MTHFD1L: variants seen among roughly 807,000 people sequenced by gnomAD.
MTHFD1L encodes methylenetetrahydrofolate dehydrogenase (NADP+ dependent) 1 like, also known as monofunctional C1-tetrahydrofolate synthase, mitochondrial.
In MTHFD1L, 81 loss-of-function variants were observed where a neutral mutation model predicts 119.5. The ratio of observed to expected loss-of-function variants is 0.68; its 90% confidence interval spans 0.57 to 0.82. The LOEUF (loss-of-function observed/expected upper bound fraction) is 0.82. Among genes scored for constraint, MTHFD1L ranks in the 40% least tolerant of loss-of-function variants. The probability of loss-of-function intolerance (pLI) is 0.00; values close to 1 mark genes in which losing one functional copy is unlikely to be tolerated. For synonymous variants in MTHFD1L, 430 were observed against 475.2 expected (o/e 0.90, Z 1.24); for missense variants, 1,125 against 1,253.4 (o/e 0.90, Z 1.55).
chr6:151,064,482 G>A (rs1346400788), intron 26 of MTHFD1L, among the ~76,000 whole-genome samples: 1 of 151,924 alleles, frequency 6.6e-6, no homozygotes, highest in Non-Finnish European at 1.5e-5. Context: ...TCCGGCTAAT[G>A]TTTTGTATTT....
chr6:151,100,082 G>T (rs1381189834), intron 27 of MTHFD1L: 1 of 565,756 alleles, frequency 1.8e-6, no homozygotes, highest in Non-Finnish European at 3.1e-6. Flanking sequence ...CACCCAGGCT[G>T]AAGTGCAGTG....
intron 18 of MTHFD1L, among the ~76,000 whole-genome samples, chr6:150,963,146 C>A (rs1422809666): frequency 1.3e-5 from 2 of 152,012 alleles, no homozygotes; most frequent in East Asian, 1.9e-4. Flanking sequence ...GAACTCCTGA[C>A]CCCAGGTGAT....
At position 150,882,841 on chromosome 6, in the gene MTHFD1L, G is replaced by A. The variant is rs1445063804; in HGVS notation, c.497G>A (p.Ser166Asn). Residue 166 changes from serine to asparagine, a missense_variant, in exon 5 of 28, where the codon AGC (serine) becomes AAC (asparagine). Physicochemically the swap from Ser to Asn is conservative, Grantham distance 46 (BLOSUM62 1). Around this residue, in one of 3 missense-constraint regions of MTHFD1L, gnomAD observed 1,058 missense variants for 1,151.2 expected, o/e 0.92. Coordinates refer to ENST00000367321, the MANE Select transcript of MTHFD1L (RefSeq NM_015440.5). ...CTTCAGATCTCTGAGAACTTGTTTAGCAACAAAGTCCTCAATGCCTTGAAA... is the reference window on the plus strand; with the variant it reads ...CTTCAGATCTCTGAGAACTTGTTTAACAACAAAGTCCTCAATGCCTTGAAA... ...LALQISENLFSNKVLNALKPE... is the reference protein window; with the variant it reads ...LALQISENLFNNKVLNALKPE... 4 of 1,579,532 alleles carry A rather than the reference G, an allele frequency of 2.5e-6. No homozygotes were observed. Among genetic ancestry groups the A allele is most frequent in the Non-Finnish European group, 3.4e-6 (4 of 1,169,560 alleles).
intron 27 of MTHFD1L, among the ~76,000 whole-genome samples, chr6:151,093,109 T>G (rs750977595): frequency 6.3e-4 from 96 of 152,234 alleles, no homozygotes; most frequent in Non-Finnish European, 1.1e-3. Flanking sequence ...AGGCTAGAAG[T>G]CCAAAGTCAA....
At chr6:150,983,996 TC>T (rs1777907606) in intron 20 of MTHFD1L, among the ~76,000 whole-genome samples, 1 of 152,062 alleles carries the variant, frequency 6.6e-6, no homozygotes, top group South Asian at 2.1e-4. Flanking sequence ...GGTCTTAAAC[TC>T]CTGAGCTCAA....
At chr6:150,979,400 T>A (rs899579242) in intron 20 of MTHFD1L, among the ~76,000 whole-genome samples, 1 of 152,228 alleles carries the variant, frequency 6.6e-6, no homozygotes, top group African/African-American at 2.4e-5. Context: ...TTAACATTTC[T>A]TCCTCCCAAG....
intron 26 of MTHFD1L, among the ~76,000 whole-genome samples, chr6:151,071,827 G>A (rs4869981): frequency 0.75 from 109,608 of 146,396 alleles, 42,498 homozygotes; most frequent in East Asian, 0.91. Flanking sequence ...AAGCAACATT[G>A]TAAGTACAGA....
intron 26 of MTHFD1L, among the ~76,000 whole-genome samples, chr6:151,092,120 GC>G (rs1353655791): frequency 2.6e-5 from 4 of 152,184 alleles, no homozygotes; most frequent in African/African-American, 7.2e-5. Context: ...CACACCTGCT[GC>G]CCCCTTCAAC....
intron 27 of MTHFD1L, among the ~76,000 whole-genome samples, chr6:151,094,764 G>A (rs565668394): frequency 5.3e-5 from 8 of 150,768 alleles, no homozygotes; most frequent in East Asian, 3.9e-4. Context: ...GGCTGGTCTC[G>A]AACTCCTGAC....
At position 150,918,842 on chromosome 6, in the gene MTHFD1L, T is replaced by A. The variant is rs116760770; in HGVS notation, c.984+174T>A. 1.6e-3 allele frequency among the ~76,000 whole-genome samples: 244 copies of A among 152,320 alleles called. 1 individual carries two copies. Among genetic ancestry groups the A allele is most frequent in the African/African-American group, 5.5e-3 (230 of 41,580 alleles). On this transcript the variant is annotated intron_variant, in intron 9 of 27. Transcript: ENST00000367321. ...ATTTTGAAAAATGAAGTGAGTTGCCTATGATCACATGGCAGTGTGGGGCAG... is the reference window on the plus strand; with the variant it reads ...ATTTTGAAAAATGAAGTGAGTTGCCAATGATCACATGGCAGTGTGGGGCAG...
intron 7 of MTHFD1L, among the ~76,000 whole-genome samples, chr6:150,893,314 A>G (rs1469004661): frequency 1.3e-5 from 2 of 152,090 alleles, no homozygotes; most frequent in East Asian, 1.9e-4. Flanking sequence ...ATCCACCCAC[A>G]TGGCCCTCTC....
chr6:151,067,753 T>G (rs1791493742), intron 26 of MTHFD1L, among the ~76,000 whole-genome samples: 1 of 152,132 alleles, frequency 6.6e-6, no homozygotes, highest in Non-Finnish European at 1.5e-5. Context: ...ACCCAGAGAG[T>G]GAAATTTCCC....
Position 151,049,277 on chromosome 6 carries a change from G to T in MTHFD1L, c.2847+12160G>T, listed in dbSNP as rs548736567. On this transcript the variant is annotated intron_variant, in intron 26 of 27. Transcript: ENST00000367321. Reference sequence around the variant, plus strand: ...GAGGCCGAGGCAGGCAGATCACGAGGTCAGGAGATTGAGACCATCCTGGCT... The same window carrying T: ...GAGGCCGAGGCAGGCAGATCACGAGTTCAGGAGATTGAGACCATCCTGGCT... Among the ~76,000 whole-genome samples the T allele has an allele frequency of 1.2e-4, 19 of 152,304 alleles. No individual in the cohort carries two copies. The South Asian group carries it at 1.9e-3, about 15-fold the overall frequency.
At chr6:151,066,437 CAAAAAAAAA>C (rs35065800) in intron 26 of MTHFD1L, among the ~76,000 whole-genome samples, 4 of 50,708 alleles carry the variant, frequency 7.9e-5, no homozygotes, top group East Asian at 1.4e-3. Flanking sequence ...GACTCCATCT[CAAAAAAAAA>C]AAAAAAAAAA....
intron 1 of MTHFD1L, 109 bp from the exon 2 acceptor site, chr6:150,875,981 G>T: frequency 1.2e-6 from 1 of 849,448 alleles, no homozygotes; most frequent in Non-Finnish European, 1.9e-6. Context: ...TCCTTCTGTG[G>T]TCTAGTTATT....
At chr6:150,877,487 T>C in intron 2 of MTHFD1L, 147 bp from the exon 3 acceptor site, 1 of 885,014 alleles carries the variant, frequency 1.1e-6, no homozygotes, top group Non-Finnish European at 1.7e-6. Flanking sequence ...CCCAAGTCCC[T>C]TTTTATAAGC....
intron 18 of MTHFD1L, 151 bp from the exon 19 acceptor site, chr6:150,964,818 G>A: frequency 1.7e-6 from 1 of 603,824 alleles, no homozygotes; most frequent in Non-Finnish European, 3.0e-6. Flanking sequence ...GGTGGGGAGA[G>A]GTGGACAGAG....
intron 26 of MTHFD1L, among the ~76,000 whole-genome samples, chr6:151,081,321 GAA>G (rs995452842): frequency 5.9e-5 from 9 of 152,140 alleles, no homozygotes; most frequent in African/African-American, 2.2e-4. Flanking sequence ...ACTGTCCCAA[GAA>G]AACCATAAAG....
At chr6:150,873,936 A>G (rs1355891269) in intron 1 of MTHFD1L, among the ~76,000 whole-genome samples, 2 of 152,078 alleles carry the variant, frequency 1.3e-5, no homozygotes, top group Non-Finnish European at 2.9e-5. Context: ...CTCCCGAAGT[A>G]CTGGGATTAT....
Sources: gnomAD v4.1 joint callset for allele counts (sites outside exome capture counted in the v4.1 genomes callset) on GRCh38, gnomAD v4.1.1 for gene constraint, gnomAD v4.1.1 regional missense constraint, MANE v1.5 for transcripts, NCBI Gene and HGNC (gene_info 2026-07-23, HGNC 2026-07-21) for gene names.